The following FAM53B variants were observed in gnomAD, a reference collection of about 807,000 sequenced individuals.
The protein encoded by FAM53B is protein FAM53B.
FAM53B carries 12 observed loss-of-function variants against 32.7 expected under a neutral mutation model. That is an observed-to-expected ratio of 0.37 (90% CI 0.24 to 0.59). FAM53B has a LOEUF of 0.59. FAM53B is among the 20% of genes least tolerant of loss of function. The pLI is 0.72. For synonymous variants in FAM53B, 234 were observed against 228.7 expected (o/e 1.02, Z -0.21); for missense variants, 477 against 577.7 (o/e 0.83, Z 1.79).
At chr10:124,633,281 C>T (rs1048397509) in intron 4 of FAM53B, among the ~76,000 whole-genome samples, 1 of 148,206 alleles carries the variant, frequency 6.7e-6, no homozygotes, top group African/African-American at 2.5e-5. Context: ...AACAGAAAAG[C>T]AAGACTGAAC....
At chr10:124,715,295 A>G (rs1950032254) in intron 1 of FAM53B, among the ~76,000 whole-genome samples, 2 of 152,216 alleles carry the variant, frequency 1.3e-5, no homozygotes, top group African/African-American at 2.4e-5. Context: ...TGGAGAGGGT[A>G]GAAGCGGGAC....
chr10:124,627,895 T>C (rs1309809801), intron 4 of FAM53B, among the ~76,000 whole-genome samples: 3 of 146,056 alleles, frequency 2.1e-5, no homozygotes, highest in Non-Finnish European at 4.6e-5. Flanking sequence ...CCATACTTTC[T>C]CCTGAGTCCA....
intron 1 of FAM53B, among the ~76,000 whole-genome samples, chr10:124,724,367 C>T (rs895806097): frequency 6.6e-6 from 1 of 152,198 alleles, no homozygotes; most frequent in African/African-American, 2.4e-5. Flanking sequence ...GCTGCCACAA[C>T]ATCGGCCAGT....
chr10:124,667,136 G>C, intron 4 of FAM53B: 1 of 488,418 alleles, frequency 2.0e-6, no homozygotes, highest in East Asian at 3.8e-5. Context: ...GAGACCTGCT[G>C]TCACCTGACA....
At chr10:124,647,367 C>T (rs915106117) in intron 4 of FAM53B, among the ~76,000 whole-genome samples, 1 of 152,132 alleles carries the variant, frequency 6.6e-6, no homozygotes, top group African/African-American at 2.4e-5. Context: ...TGCTCATAAA[C>T]CCCACTCCCC....
intron 4 of FAM53B, among the ~76,000 whole-genome samples, chr10:124,633,841 G>A (rs891453547): frequency 6.6e-6 from 1 of 151,792 alleles, no homozygotes; most frequent in African/African-American, 2.4e-5. Context: ...GAAAACAGGA[G>A]ACTTCCTTTA....
chr10:124,722,216 G>A (rs1026089310), intron 1 of FAM53B, among the ~76,000 whole-genome samples: 17 of 152,186 alleles, frequency 1.1e-4, no homozygotes, highest in African/African-American at 2.9e-4. Flanking sequence ...AATGATAAAC[G>A]TTTGAGATGT....
chr10:124,629,609 C>T (rs1474108023), intron 4 of FAM53B, among the ~76,000 whole-genome samples: 6 of 152,168 alleles, frequency 3.9e-5, no homozygotes, highest in Non-Finnish European at 8.8e-5. Flanking sequence ...CCCAAACAGA[C>T]GCTTGCATGA....
Position 124,729,824 on chromosome 10 carries a change from T to C in FAM53B, c.-175+14189A>G, listed in dbSNP as rs116981309. Among the ~76,000 whole-genome samples, 724 of 152,328 alleles carry C rather than the reference T, an allele frequency of 4.8e-3. 1 individual carries two copies. The highest frequency in any genetic ancestry group is 0.014 in the Middle Eastern group (4 of 294). On this transcript the variant is annotated intron_variant, in intron 1 of 4. Coordinates refer to ENST00000337318, the MANE Select transcript of FAM53B (RefSeq NM_014661.4). ...AATGTGGGGGAGATGGGTCCAGCAC[T>C]GATGCATTTATGCCTGGGTCTGATG... is the stretch of plus-strand genomic sequence containing the variant.
At chr10:124,665,319 A>C (rs751912797) in intron 4 of FAM53B, among the ~76,000 whole-genome samples, 18 of 151,810 alleles carry the variant, frequency 1.2e-4, no homozygotes, top group Non-Finnish European at 1.6e-4. Flanking sequence ...TAAAGCCTCA[A>C]CTCTCCAGGT....
At chr10:124,676,072 C>T (rs1328500423) in intron 4 of FAM53B, among the ~76,000 whole-genome samples, 1 of 152,236 alleles carries the variant, frequency 6.6e-6, no homozygotes, top group Non-Finnish European at 1.5e-5. Context: ...GCCCCCTTGA[C>T]ATCCCTAAAC....
intron 4 of FAM53B, among the ~76,000 whole-genome samples, chr10:124,624,368 G>C (rs1240976926): frequency 1.3e-5 from 2 of 152,228 alleles, no homozygotes; most frequent in Non-Finnish European, 2.9e-5. Flanking sequence ...GTCTCTAGAA[G>C]GGAGTGGTCC....
At chr10:124,740,303 A>G (rs946239899) in intron 1 of FAM53B, among the ~76,000 whole-genome samples, 8 of 150,620 alleles carry the variant, frequency 5.3e-5, no homozygotes, top group African/African-American at 2.0e-4. Context: ...GGAGGTTTGG[A>G]TTAAGCATCA....
At chr10:124,633,839 G>A (rs1949408630) in intron 4 of FAM53B, among the ~76,000 whole-genome samples, 1 of 151,774 alleles carries the variant, frequency 6.6e-6, no homozygotes. Context: ...AAGAAAACAG[G>A]AGACTTCCTT....
rs1158804562 is a variant in FAM53B, at chr10:124,733,711, G to C, written c.-175+10302C>G. ...ACAAAGACCACATCACTCTGGCCAA[G>C]GCGGCACTTGATGAAAATTCTCAGA... On this transcript the variant is annotated intron_variant, in intron 1 of 4. Transcript: ENST00000337318. The surrounding 1 kb of genome is among the most constrained non-coding windows in gnomAD (Gnocchi z 4.3). Among the ~76,000 whole-genome samples the C allele has an allele frequency of 6.6e-6, 1 of 152,200 alleles. No individual in the cohort carries two copies. Among genetic ancestry groups the C allele is most frequent in the Non-Finnish European group, 1.5e-5 (1 of 68,028 alleles).
intron 4 of FAM53B, among the ~76,000 whole-genome samples, chr10:124,677,693 T>G (rs1589747739): frequency 6.6e-6 from 1 of 152,204 alleles, no homozygotes; most frequent in Admixed American, 6.5e-5. Context: ...TCAGAAGACA[T>G]GAGCAAAGAC....
At chr10:124,648,260 C>A (rs548727311) in intron 4 of FAM53B, among the ~76,000 whole-genome samples, 1 of 152,342 alleles carries the variant, frequency 6.6e-6, no homozygotes, top group South Asian at 2.1e-4. Context: ...GGCCTGGGCA[C>A]GGCAGAGGGC....
intron 1 of FAM53B, among the ~76,000 whole-genome samples, chr10:124,741,035 C>T (rs1424463655): frequency 2.6e-5 from 4 of 152,162 alleles, no homozygotes; most frequent in Non-Finnish European, 4.4e-5. Flanking sequence ...GGGATTCTCC[C>T]CTAAAGTTAA....
At chr10:124,665,530 C>T (rs780069504) in intron 4 of FAM53B, among the ~76,000 whole-genome samples, 1 of 152,240 alleles carries the variant, frequency 6.6e-6, no homozygotes, top group African/African-American at 2.4e-5. Context: ...CCCTCGCTTC[C>T]TACTCCTGGC....
Sources: allele counts gnomAD v4.1 joint callset (sites outside exome capture counted in the v4.1 genomes callset), GRCh38; gene constraint gnomAD v4.1.1; non-coding constraint Gnocchi (gnomAD v3.1); transcripts MANE v1.5; gene names NCBI Gene and HGNC (gene_info 2026-07-23, HGNC 2026-07-21).